TCF12: variants seen among roughly 807,000 people sequenced by gnomAD.
TCF12 encodes the protein DNA-binding protein HTF4.
Under a neutral mutation model 86.0 loss-of-function variants are expected in TCF12, and 45 were observed. That is an observed-to-expected ratio of 0.52 (90% CI 0.41 to 0.67). The LOEUF is 0.67. Ranked by LOEUF, TCF12 falls within the 30% of genes least tolerant of loss-of-function variation. The probability of loss-of-function intolerance (pLI) is 0.00; values close to 1 mark genes in which losing one functional copy is unlikely to be tolerated. For synonymous variants in TCF12, 330 were observed against 299.6 expected, an observed-to-expected ratio of 1.10 and a Z score of -1.05; for missense variants, 881 against 859.9, an observed-to-expected ratio of 1.02 and a Z score of -0.31.
At chr15:57,075,825 TCTCTCTCTCTTTTC>T (rs2069917081) in intron 4 of TCF12, among the ~76,000 whole-genome samples, 1 of 80,650 alleles carries the variant, frequency 1.2e-5, no homozygotes, top group African/African-American at 5.6e-5. Context: ...TCTCTCTCTC[TCTCTCTCTCTTTTC>T]TTTCTTTCTT....
chr15:56,974,158 T>A (rs2062483325), intron 3 of TCF12, among the ~76,000 whole-genome samples: 1 of 152,102 alleles, frequency 6.6e-6, no homozygotes, highest in Non-Finnish European at 1.5e-5. Flanking sequence ...AGTTTTAAGT[T>A]TCCTGATTTT....
In TCF12 at chr15:57,077,049, A is replaced by G. The variant is rs1272887393; in HGVS notation, c.222+13226A>G. Among the ~76,000 whole-genome samples, 4 of 152,260 alleles carry G rather than the reference A, an allele frequency of 2.6e-5. No individual in the cohort carries two copies. The East Asian group carries it at 5.8e-4, about 22-fold the overall frequency. On this transcript the variant is annotated intron_variant, in intron 4 of 20. Transcript: ENST00000333725. ...CAATACCATAACTGTCTTGATTTCTATACCTTTAAAGTAAATCTTGGTATC... is the reference window on the plus strand; with the variant it reads ...CAATACCATAACTGTCTTGATTTCTGTACCTTTAAAGTAAATCTTGGTATC...
At chr15:56,979,344 ATC>A (rs778132584) in intron 3 of TCF12, among the ~76,000 whole-genome samples, 14 of 152,172 alleles carry the variant, frequency 9.2e-5, no homozygotes, top group Non-Finnish European at 2.1e-4. Flanking sequence ...TATTTAAAAT[ATC>A]TCTCCCATTG....
chr15:57,197,923 G>A lies in TCF12; in HGVS notation c.579+98G>A, dbSNP rs1387875498. ...GGGTACATTCGATTGATGCGAGTGGGCATACTTTACATAGTAATTGTTCAG... is the reference window on the plus strand; with the variant it reads ...GGGTACATTCGATTGATGCGAGTGGACATACTTTACATAGTAATTGTTCAG... On this transcript the variant is annotated intron_variant, in intron 8 of 20. Transcript: ENST00000333725. 9 of 1,191,808 alleles carry A rather than the reference G, an allele frequency of 7.6e-6. No homozygotes were observed. In the Middle Eastern group the frequency reaches 7.7e-4, roughly 102 times the overall value. 73.8% of individuals were successfully genotyped at this position (1,191,808 alleles called of 1,614,324 possible). A position where few individuals can be genotyped will look rare whatever the true frequency, so the allele number is the denominator to read the frequency against.
chr15:57,189,160 A>G (rs1276313639), intron 6 of TCF12, among the ~76,000 whole-genome samples: 11 of 152,242 alleles, frequency 7.2e-5, no homozygotes, highest in Admixed American at 7.2e-4. Flanking sequence ...CTCAGGAGAA[A>G]GTCTAGGAGT....
chr15:56,930,580 G>A (rs1298963634), intron 3 of TCF12, among the ~76,000 whole-genome samples: 1 of 152,188 alleles, frequency 6.6e-6, no homozygotes, highest in Non-Finnish European at 1.5e-5. Context: ...AGTGTTTCAT[G>A]TTGAATCTCT....
intron 6 of TCF12, among the ~76,000 whole-genome samples, chr15:57,190,553 C>G (rs2056925619): frequency 6.6e-6 from 1 of 152,042 alleles, no homozygotes; most frequent in Admixed American, 6.5e-5. Flanking sequence ...GTATTCAACC[C>G]CCCTTCCTTT....
chr15:57,180,052 G>A (rs1244489265), intron 6 of TCF12, among the ~76,000 whole-genome samples: 1 of 152,130 alleles, frequency 6.6e-6, no homozygotes, highest in Non-Finnish European at 1.5e-5. Context: ...GCTGATAATT[G>A]CTAACATATC....
At position 56,963,027 on chromosome 15, in the gene TCF12, C is replaced by CTTT. The variant is rs532973260; in HGVS notation, c.148+41949_148+41951dup. On this transcript the variant is annotated intron_variant, in intron 3 of 20. Coordinates refer to ENST00000333725, the MANE Select transcript of TCF12 (RefSeq NM_207037.2). Reference sequence around the variant, plus strand: ...TGAAGCAGATTTAATGTGTTAAGGTCTTTTTTTTTTTTTTTTTTTTTTACC... The same window carrying CTTT: ...TGAAGCAGATTTAATGTGTTAAGGTCTTTTTTTTTTTTTTTTTTTTTTTTTACC... 7.6e-4 allele frequency among the ~76,000 whole-genome samples: 73 copies of CTTT among 96,166 alleles called. 1 individual carries two copies. The highest frequency in any genetic ancestry group is 1.1e-3 in the South Asian group (3 of 2,718). 63.1% of individuals were successfully genotyped at this position (96,166 alleles called of 152,430 possible).
chr15:56,948,931 T>C (rs1331241020), intron 3 of TCF12, among the ~76,000 whole-genome samples: 1 of 152,208 alleles, frequency 6.6e-6, no homozygotes, highest in Non-Finnish European at 1.5e-5. Context: ...ACATATCAGA[T>C]TACCTTTAAG....
chr15:57,110,613 A>G (rs1317931884), intron 5 of TCF12, among the ~76,000 whole-genome samples: 1 of 152,208 alleles, frequency 6.6e-6, no homozygotes, highest in Non-Finnish European at 1.5e-5. Context: ...AAAATAATGC[A>G]AGAGTAGTAA....
chr15:57,265,455 C>A (rs963101658), intron 18 of TCF12, among the ~76,000 whole-genome samples: 2 of 152,064 alleles, frequency 1.3e-5, no homozygotes, highest in African/African-American at 4.8e-5. Flanking sequence ...CTACCTTGCT[C>A]CCTGAGCTGC....
chr15:56,935,016 T>C (rs1440511923), intron 3 of TCF12, among the ~76,000 whole-genome samples: 1 of 152,176 alleles, frequency 6.6e-6, no homozygotes, highest in East Asian at 1.9e-4. Context: ...ATTGCAACGA[T>C]GAGAATAGCT....
chr15:57,164,012 G>A (rs2054682264), intron 5 of TCF12, among the ~76,000 whole-genome samples: 1 of 152,192 alleles, frequency 6.6e-6, no homozygotes, highest in African/African-American at 2.4e-5. Flanking sequence ...GAAGATTGTG[G>A]GGAGGGGTCT....
chr15:57,195,192 C>T lies in TCF12; in HGVS notation c.527-2581C>T, dbSNP rs547950619. 3.0e-4 allele frequency among the ~76,000 whole-genome samples: 45 copies of T among 152,274 alleles called. 2 individuals carry two copies. The South Asian group carries it at 7.7e-3, about 26-fold the overall frequency. On this transcript the variant is annotated intron_variant, in intron 7 of 20. Coordinates refer to ENST00000333725, the MANE Select transcript of TCF12 (RefSeq NM_207037.2). ...TGCTAGGATTACAGGCATGAGCCAC[C>T]GCACCCAGCCATCTCTTAGCTATTA...
chr15:57,035,314 A>T (rs1167237012), intron 3 of TCF12, among the ~76,000 whole-genome samples: 3 of 152,198 alleles, frequency 2.0e-5, no homozygotes, highest in African/African-American at 7.2e-5. Flanking sequence ...CCCATTCTGG[A>T]GTGCAGTGGC....
At chr15:56,920,082 C>T (rs1332020071) in intron 2 of TCF12, 94 bp downstream of exon 2, 1 of 1,376,184 alleles carries the variant, frequency 7.3e-7, no homozygotes, top group African/African-American at 1.4e-5. Context: ...GGGGAAGCAA[C>T]GTGGAGACTA....
chr15:56,979,597 A>G (rs1185430485), intron 3 of TCF12, among the ~76,000 whole-genome samples: 8 of 152,232 alleles, frequency 5.3e-5, no homozygotes, highest in African/African-American at 1.9e-4. Context: ...TTGAATGGTC[A>G]TATAATAGTT....
Position 57,192,242 on chromosome 15 carries a change from T to G in TCF12, c.475T>G (p.Phe159Val). 6.2e-7 allele frequency: 1 copy of G among 1,614,172 alleles called. No individual in the cohort carries two copies. The highest frequency in any genetic ancestry group is 8.5e-7 in the Non-Finnish European group (1 of 1,179,998). The change falls in exon 7 of 21, where the codon TTC becomes GTC. Residue 159 changes from phenylalanine to valine, a missense_variant. Physicochemically the swap from Phe to Val is conservative, Grantham distance 50. This residue lies in a region of TCF12 where 766 missense variants were observed against 718.9 expected (regional missense o/e 1.07). Transcript: ENST00000333725. The stretch of plus-strand genomic sequence containing the variant: ...AAAACCTGGGACAGCATACTATTCA[T>G]TCTCTGCTACAAGTTCCAGGAGGAG... ...SGKPGTAYYS[F>V]SATSSRRRPL...
Sources: gnomAD v4.1 joint callset for allele counts (sites outside exome capture counted in the v4.1 genomes callset) on GRCh38, gnomAD v4.1.1 for gene constraint, gnomAD v4.1.1 regional missense constraint, MANE v1.5 for transcripts, NCBI Gene and HGNC (gene_info 2026-07-23, HGNC 2026-07-21) for gene names.